PCDHA2: variants seen among roughly 807,000 people sequenced by gnomAD.
PCDHA2 encodes protocadherin alpha-2.
A neutral mutation model predicts 66.0 loss-of-function variants in PCDHA2; 58 were observed. The observed-to-expected ratio is 0.88, with a 90% CI of 0.71 to 1.09. The LOEUF is 1.09. Among genes scored for constraint, PCDHA2 ranks in the 50% least tolerant of loss-of-function variants. The pLI, the probability that PCDHA2 is intolerant of heterozygous loss-of-function variation, is 0.00. For synonymous variants in PCDHA2, 634 were observed against 554.0 expected (o/e 1.14, Z -2.03); for missense variants, 1,267 against 1,242.3 (o/e 1.02, Z -0.30).
At chr5:140,951,876 G>A (rs1554220112) in intron 1 of PCDHA2, among the ~76,000 whole-genome samples, 1 of 152,094 alleles carries the variant, frequency 6.6e-6, no homozygotes, top group East Asian at 1.9e-4. Context: ...CTGAGACAAG[G>A]CAACTCTCTT....
intron 1 of PCDHA2, chr5:140,843,145 GT>G: frequency 6.3e-7 from 1 of 1,596,072 alleles, no homozygotes; most frequent in Non-Finnish European, 8.6e-7. Context: ...CGTGGCTTTC[GT>G]ATGAGCTGCA....
chr5:140,810,034 C>T (rs1554125406), intron 1 of PCDHA2: 1 of 154,964 alleles, frequency 6.5e-6, no homozygotes, highest in African/African-American at 2.4e-5. Context: ...GCACATTTGC[C>T]TTTTATAACT....
chr5:140,951,716 C>T (rs2094623458), intron 1 of PCDHA2, among the ~76,000 whole-genome samples: 1 of 152,102 alleles, frequency 6.6e-6, no homozygotes, highest in South Asian at 2.1e-4. Flanking sequence ...GGACACAGAT[C>T]CAAACCATGT....
chr5:140,931,319 T>A (rs1237988294), intron 1 of PCDHA2, among the ~76,000 whole-genome samples: 3 of 152,086 alleles, frequency 2.0e-5, no homozygotes, highest in Non-Finnish European at 4.4e-5. Flanking sequence ...ATACCAGTAA[T>A]GGCTGTAAAG....
At chr5:140,897,486 A>G (rs183789033) in intron 1 of PCDHA2, among the ~76,000 whole-genome samples, 2 of 151,962 alleles carry the variant, frequency 1.3e-5, no homozygotes, top group Admixed American at 6.5e-5. Flanking sequence ...ATGATTTCCA[A>G]TTTCAACCAT....
chr5:140,876,791 G>C lies in PCDHA2; in HGVS notation c.2388+79439G>C, dbSNP rs782617794. 4.3e-6 allele frequency: 7 copies of C among 1,614,242 alleles called. No homozygotes were observed. The Admixed American group carries it at 1.2e-4, about 27-fold the overall frequency. On this transcript the variant is annotated intron_variant, in intron 1 of 3. Coordinates refer to ENST00000526136, the MANE Select transcript of PCDHA2 (RefSeq NM_018905.3). ...TCGCCTTCGCTGTGGGCCACGGCTA[G>C]AGTGTCCGTGGAGGTGGCCGACGTG...
chr5:140,803,233 C>G (rs1554122661), intron 1 of PCDHA2: 17 of 1,613,760 alleles, frequency 1.1e-5, no homozygotes, highest in Middle Eastern at 1.6e-4. Context: ...CCCAAGGCCT[C>G]GTCCCAGGCG....
At chr5:140,826,265 A>G (rs1356174007) in intron 1 of PCDHA2, among the ~76,000 whole-genome samples, 3 of 152,202 alleles carry the variant, frequency 2.0e-5, no homozygotes, top group Non-Finnish European at 4.4e-5. Context: ...TCAAGTCTTT[A>G]TGTATATTTT....
intron 1 of PCDHA2, among the ~76,000 whole-genome samples, chr5:140,889,404 G>A (rs565254911): frequency 2.0e-5 from 3 of 151,972 alleles, no homozygotes; most frequent in South Asian, 2.1e-4. Context: ...TAATTTACTC[G>A]AGTCAGTTAC....
At chr5:140,824,409 A>G (rs1472430653) in intron 1 of PCDHA2, 3 of 535,638 alleles carry the variant, frequency 5.6e-6, no homozygotes, top group Non-Finnish European at 9.8e-6. Context: ...ATTGTAAGAC[A>G]TAGTTTGGAG....
chr5:140,797,154 T>G lies in PCDHA2; in HGVS notation c.2190T>G (p.Gly730=). 1.9e-6 allele frequency: 3 copies of G among 1,613,844 alleles called. No individual in the cohort carries two copies. Among genetic ancestry groups the G allele is most frequent in the Non-Finnish European group, 2.5e-6 (3 of 1,179,962 alleles). The change falls in exon 1 of 4, where the codon GGT becomes GGG. Residue 730 remains glycine (G), a synonymous_variant. Transcript: ENST00000526136. ...ALRCSVPPTE[G]ARAPGKPTLV... is the part of the protein sequence containing the mutation. Reference sequence around the variant, plus strand: ...GGTGCTCGGTGCCACCCACCGAGGGTGCGCGCGCGCCAGGAAAGCCCACGC... The same window carrying G: ...GGTGCTCGGTGCCACCCACCGAGGGGGCGCGCGCGCCAGGAAAGCCCACGC...
At chr5:140,841,171 GGTCAATGTT>G (rs1175788362) in intron 1 of PCDHA2, 24 of 993,568 alleles carry the variant, frequency 2.4e-5, no homozygotes, top group Non-Finnish European at 2.9e-5. Flanking sequence ...AGTTCTGGTT[GGTCAATGTT>G]CAAAGTCTTT....
intron 1 of PCDHA2, chr5:140,814,751 A>G (rs1302153623): frequency 2.6e-5 from 4 of 152,130 alleles, no homozygotes; most frequent in Non-Finnish European, 5.9e-5. Context: ...TTATGGGACT[A>G]CTCTTGTACA....
intron 1 of PCDHA2, chr5:140,842,063 G>C (rs1213934072): frequency 1.2e-6 from 2 of 1,613,830 alleles, no homozygotes; most frequent in African/African-American, 1.3e-5. Flanking sequence ...GTCTGAATAC[G>C]AAGTAAGAAT....
rs2150236532 is a variant in PCDHA2, at chr5:140,835,484, C to G, written c.2388+38132C>G. The G allele has an allele frequency of 8.7e-6, 14 of 1,613,926 alleles. 1 individual carries two copies. The highest frequency in any genetic ancestry group is 1.6e-4 in the Middle Eastern group (1 of 6,062). ...TTCCAGAGGACGCCCAACCAGGTAC[C>G]GTCATCACATTGATTAGCGTGTTTG... On this transcript the variant is annotated intron_variant, in intron 1 of 3. Coordinates refer to ENST00000526136, the MANE Select transcript of PCDHA2 (RefSeq NM_018905.3).
At chr5:140,836,148 C>T (rs1554135661) in intron 1 of PCDHA2, 1 of 1,613,646 alleles carries the variant, frequency 6.2e-7, no homozygotes, top group East Asian at 2.2e-5. Flanking sequence ...GGGCGCGGGC[C>T]ATGTGGTGGC....
intron 1 of PCDHA2, chr5:140,850,611 G>C (rs1353719119): frequency 6.3e-7 from 1 of 1,598,588 alleles, no homozygotes; most frequent in Non-Finnish European, 8.6e-7. Flanking sequence ...CGCCATCTGC[G>C]CGGTGTCTAG....
chr5:140,932,824 G>A (rs1484280278), intron 1 of PCDHA2, among the ~76,000 whole-genome samples: 4 of 151,902 alleles, frequency 2.6e-5, no homozygotes, highest in Admixed American at 6.6e-5. Context: ...AAGTGGGAAA[G>A]TATTGACAAT....
At chr5:140,888,994 T>G (rs1486471421) in intron 1 of PCDHA2, among the ~76,000 whole-genome samples, 1 of 152,272 alleles carries the variant, frequency 6.6e-6, no homozygotes, top group African/African-American at 2.4e-5. Context: ...TATGATTTTC[T>G]TATGGCAAAC....
Sources: gnomAD v4.1 joint callset for allele counts (sites outside exome capture counted in the v4.1 genomes callset) on GRCh38, gnomAD v4.1.1 for gene constraint, MANE v1.5 for transcripts, NCBI Gene and HGNC (gene_info 2026-07-23, HGNC 2026-07-21) for gene names.